The following MTMR10 variants were observed in gnomAD, a reference collection of about 807,000 sequenced individuals.
MTMR10 encodes myotubularin related protein 10, also known as myotubularin-related protein 10.
MTMR10 carries 56 observed loss-of-function variants against 88.1 expected under a neutral mutation model. The ratio of observed to expected loss-of-function variants is 0.64; its 90% confidence interval spans 0.51 to 0.79. MTMR10 has a LOEUF of 0.79. Among genes scored for constraint, MTMR10 ranks in the 30% least tolerant of loss-of-function variants. The probability of loss-of-function intolerance (pLI) is 0.00; values close to 1 mark genes in which losing one functional copy is unlikely to be tolerated. For synonymous variants in MTMR10, 380 were observed against 340.9 expected (o/e 1.11, Z -1.26); for missense variants, 883 against 924.7 (o/e 0.95, Z 0.58).
At chr15:30,967,878 A>G (rs1400893568) in intron 6 of MTMR10, 42 bp downstream of exon 6, 2 of 1,456,408 alleles carry the variant, frequency 1.4e-6, no homozygotes, top group South Asian at 2.5e-5. Context: ...TAAAATTTAC[A>G]CATGTAAAAT....
intron 14 of MTMR10, chr15:30,943,547 A>G: frequency 1.5e-5 from 15 of 985,428 alleles, no homozygotes; most frequent in Non-Finnish European, 1.8e-5. Flanking sequence ...GCTACACTTC[A>G]CTGAGCCAGT....
chr15:30,983,859 T>C (rs2030754478), intron 2 of MTMR10, among the ~76,000 whole-genome samples: 1 of 152,148 alleles, frequency 6.6e-6, no homozygotes, highest in Admixed American at 6.5e-5. Flanking sequence ...CACAAATCTT[T>C]AATGCTGGTA....
At chr15:30,988,854 G>C (rs1473534875) in intron 2 of MTMR10, among the ~76,000 whole-genome samples, 1 of 151,900 alleles carries the variant, frequency 6.6e-6, no homozygotes, top group Non-Finnish European at 1.5e-5. Flanking sequence ...GCCAGGTGTG[G>C]TGGTGGGCTC....
At chr15:30,938,368 C>T (rs1450396681), downstream of MTMR10, among the ~76,000 whole-genome samples, 1 of 152,120 alleles carries the variant, frequency 6.6e-6, no homozygotes, top group African/African-American at 2.4e-5. Context: ...GGAATCAAAA[C>T]ATTCTCATGA....
chr15:30,920,340 T>G, the MTMR10 span, among the ~76,000 whole-genome samples: 4 of 152,232 alleles, frequency 2.6e-5, no homozygotes, highest in Admixed American at 2.6e-4. Flanking sequence ...TGAGTTCTCA[T>G]CTTACTCCAC....
chr15:30,970,774 C>T (rs1314089336), intron 5 of MTMR10, among the ~76,000 whole-genome samples: 2 of 151,952 alleles, frequency 1.3e-5, no homozygotes, highest in African/African-American at 4.8e-5. Flanking sequence ...TTTTAAAAGC[C>T]CCTTAAAAAT....
chr15:30,925,128 C>G, the MTMR10 span: 3 of 1,612,412 alleles, frequency 1.9e-6, no homozygotes, highest in Non-Finnish European at 1.7e-6. Context: ...CTCTGCCAGA[C>G]TATCAAGTGC....
At chr15:30,925,181 C>T in the MTMR10 span, 34 of 1,613,886 alleles carry the variant, frequency 2.1e-5, no homozygotes, top group South Asian at 2.7e-4. Context: ...AACGGGACAC[C>T]GCCTTTCACT....
At chr15:30,925,292 G>A in the MTMR10 span, 13 of 1,613,340 alleles carry the variant, frequency 8.1e-6, no homozygotes, top group Admixed American at 3.3e-5. Flanking sequence ...TGTGAAACAC[G>A]TGAGGAAAGA....
At chr15:30,949,942 G>C (rs1428033779) in intron 12 of MTMR10, 4 of 152,184 alleles carry the variant, frequency 2.6e-5, no homozygotes, top group Admixed American at 2.6e-4. Flanking sequence ...ATTAGTGGCT[G>C]CCTGGAGCTG....
intron 1 of MTMR10, 137 bp downstream of exon 1, chr15:30,991,310 G>T: frequency 1.1e-6 from 1 of 896,748 alleles, no homozygotes; most frequent in East Asian, 3.1e-5. Flanking sequence ...TCGCGGCGCC[G>T]GGAATCAGGC....
At chr15:30,974,112 T>C (rs937493288) in intron 5 of MTMR10, among the ~76,000 whole-genome samples, 1 of 152,206 alleles carries the variant, frequency 6.6e-6, no homozygotes, top group Non-Finnish European at 1.5e-5. Context: ...TAAAAAGTTA[T>C]ATAGAACACT....
At chr15:30,926,057 T>C in the MTMR10 span, 2 of 1,019,614 alleles carry the variant, frequency 2.0e-6, no homozygotes, top group South Asian at 3.0e-5. Context: ...CAGTGGAAGA[T>C]GCTGTGGGCT....
Position 30,990,797 on chromosome 15 carries a change from A to C in MTMR10, c.101T>G (p.Leu34Arg), listed in dbSNP as rs771089352. Residue 34 changes from leucine (L) to arginine (R), a missense_variant, in exon 2 of 16, where the codon CTG (leucine) becomes CGG (arginine). Physicochemically the swap from Leu to Arg is moderately radical, Grantham distance 102 (BLOSUM62 -2). This residue lies in a region of MTMR10 where 414 missense variants were observed against 423.2 expected (regional missense o/e 0.98). Transcript: ENST00000435680. ...KINSEPKIKK[L>R]EPVLLPGEIV... ...TTTACCTGGCAAAAGGACTGGCTCC[A>C]GTTTTTTAATCTTCGGTTCCGAATT... 8.3e-5 allele frequency: 133 copies of C among 1,610,094 alleles called. No individual in the cohort carries two copies. Among genetic ancestry groups the C allele is most frequent in the Middle Eastern group, 1.6e-4 (1 of 6,082 alleles).
At chr15:30,930,067 C>A in the MTMR10 span, among the ~76,000 whole-genome samples, 1 of 141,694 alleles carries the variant, frequency 7.1e-6, no homozygotes, top group African/African-American at 2.7e-5. Flanking sequence ...ATGAGAATAC[C>A]CTATCCCCCT....
At chr15:30,985,482 C>T (rs1167556423) in intron 2 of MTMR10, among the ~76,000 whole-genome samples, 1 of 152,234 alleles carries the variant, frequency 6.6e-6, no homozygotes, top group Non-Finnish European at 1.5e-5. Flanking sequence ...GTTAGTGGCA[C>T]AGCCTGGGAG....
chr15:30,969,868 T>G lies in MTMR10; in HGVS notation c.475-1858A>C, dbSNP rs1423445009. 3.3e-5 allele frequency among the ~76,000 whole-genome samples: 5 copies of G among 150,912 alleles called. No homozygotes were observed. In the East Asian group the frequency reaches 9.6e-4, roughly 29 times the overall value. ...CCAGCCATCTCCACTGTCACACTCTTTGCTTGGAAAATCCTACTCCTCTTA... is the reference window on the plus strand; with the variant it reads ...CCAGCCATCTCCACTGTCACACTCTGTGCTTGGAAAATCCTACTCCTCTTA... On this transcript the variant is annotated intron_variant, in intron 5 of 15. Coordinates refer to ENST00000435680, the MANE Select transcript of MTMR10 (RefSeq NM_017762.3).
intron 2 of MTMR10, among the ~76,000 whole-genome samples, chr15:30,983,954 G>C (rs969410072): frequency 6.6e-6 from 1 of 152,172 alleles, no homozygotes; most frequent in Admixed American, 6.5e-5. Context: ...GTATAGTGCC[G>C]ATCTCAGGAA....
At position 30,954,752 on chromosome 15, in the gene MTMR10, A is replaced by G; in HGVS notation, c.1066+11T>C. ...GTGTTCATTATATATATGAAATAAGAATGAAATTACCATTAACGCATAGCT... is the reference window on the plus strand; with the variant it reads ...GTGTTCATTATATATATGAAATAAGGATGAAATTACCATTAACGCATAGCT... On this transcript the variant is annotated intron_variant, in intron 10 of 15. Transcript: ENST00000435680. 1 of 1,585,690 alleles carries G rather than the reference A, an allele frequency of 6.3e-7. No individual in the cohort carries two copies. Among genetic ancestry groups the G allele is most frequent in the Non-Finnish European group, 8.6e-7 (1 of 1,169,080 alleles).
Sources: allele counts gnomAD v4.1 joint callset (sites outside exome capture counted in the v4.1 genomes callset), GRCh38; gene constraint gnomAD v4.1.1; regional missense constraint gnomAD v4.1.1; transcripts MANE v1.5; gene names NCBI Gene and HGNC (gene_info 2026-07-23, HGNC 2026-07-21).